The following COL5A2 variants were observed in gnomAD, a reference collection of about 807,000 sequenced individuals.
COL5A2 encodes the protein collagen alpha-2(V) chain.
COL5A2 carries 23 observed loss-of-function variants against 208.2 expected under a neutral mutation model. The observed-to-expected ratio is 0.11, with a 90% CI of 0.08 to 0.16. The LOEUF (loss-of-function observed/expected upper bound fraction) is 0.16, where lower values mean the gene tolerates loss of function less well. Ranked by LOEUF, COL5A2 falls within the 10% of genes least tolerant of loss-of-function variation. COL5A2 has a pLI of 1.00. For synonymous variants in COL5A2, 625 were observed against 628.5 expected, an observed-to-expected ratio of 0.99 and a Z score of 0.08; for missense variants, 1,590 against 1,956.4, an observed-to-expected ratio of 0.81 and a Z score of 3.53.
chr2:189,045,877 G>C lies in COL5A2; in HGVS notation c.3232C>G (p.Leu1078Val). Residue 1078 changes from leucine to valine, a missense_variant, in exon 46 of 54, where the codon CTG becomes GTG. Leu to Val is a conservative substitution (Grantham distance 32). Transcript: ENST00000374866. ...GDRGDPGPAG[L>V]PGSQGAPGTP... ...CCAGGGGCACCCTGAGAGCCTGGCA[G>C]ACCTGCAGGCCCAGGGTCTCCACGA... The C allele has an allele frequency of 6.2e-6, 10 of 1,614,146 alleles. No individual in the cohort carries two copies. The highest frequency in any genetic ancestry group is 8.5e-6 in the Non-Finnish European group (10 of 1,179,996).
chr2:189,242,194 G>A, the COL5A2 span, among the ~76,000 whole-genome samples: 1 of 151,974 alleles, frequency 6.6e-6, no homozygotes, highest in Non-Finnish European at 1.5e-5. Context: ...TGATACCTTT[G>A]TGCTTTCTGG....
chr2:189,173,725 T>C (rs1452174304), intron 1 of COL5A2, among the ~76,000 whole-genome samples: 1 of 152,216 alleles, frequency 6.6e-6, no homozygotes, highest in Non-Finnish European at 1.5e-5. Context: ...AGTAAGTTGA[T>C]ACTGTCTCGT....
the COL5A2 span, among the ~76,000 whole-genome samples, chr2:189,294,090 G>GA: frequency 0.059 from 2,839 of 48,214 alleles, 65 homozygotes; most frequent in African/African-American, 0.13. Context: ...TCCGTCTCAA[G>GA]AAAAAAAAAA....
chr2:189,119,802 A>G (rs1687465263), intron 1 of COL5A2, among the ~76,000 whole-genome samples: 1 of 152,066 alleles, frequency 6.6e-6, no homozygotes, highest in South Asian at 2.1e-4. Flanking sequence ...AAAATATATA[A>G]CATTTCCTAA....
At chr2:189,293,245 A>G in the COL5A2 span, among the ~76,000 whole-genome samples, 4 of 152,230 alleles carry the variant, frequency 2.6e-5, no homozygotes, top group African/African-American at 9.6e-5. Context: ...CCTAAAACTT[A>G]AAGTATAATA....
At chr2:189,123,545 G>C (rs1476174116) in intron 1 of COL5A2, among the ~76,000 whole-genome samples, 1 of 152,122 alleles carries the variant, frequency 6.6e-6, no homozygotes, top group Non-Finnish European at 1.5e-5. Context: ...ACTCATTTCT[G>C]TTGTCATAAG....
chr2:189,229,686 A>G (rs1689457936), upstream of COL5A2, among the ~76,000 whole-genome samples: 1 of 151,850 alleles, frequency 6.6e-6, no homozygotes, highest in Non-Finnish European at 1.5e-5. Flanking sequence ...TATAAAGGAT[A>G]AAAATGAATG....
chr2:189,337,674 G>T, the COL5A2 span, among the ~76,000 whole-genome samples: 1 of 152,066 alleles, frequency 6.6e-6, no homozygotes, highest in African/African-American at 2.4e-5. Flanking sequence ...TTACAATCTT[G>T]CAATATTATG....
At chr2:189,231,390 G>A in the COL5A2 span, among the ~76,000 whole-genome samples, 12 of 151,796 alleles carry the variant, frequency 7.9e-5, no homozygotes, top group African/African-American at 2.7e-4. Context: ...AGGAAAATAA[G>A]AGAATAAAGA....
At chr2:189,368,737 G>T in the COL5A2 span, among the ~76,000 whole-genome samples, 9 of 152,122 alleles carry the variant, frequency 5.9e-5, no homozygotes, top group Non-Finnish European at 2.9e-5. Context: ...TATACCAAAG[G>T]AAAGTCCTTA....
At chr2:189,382,436 G>C in the COL5A2 span, among the ~76,000 whole-genome samples, 1 of 152,158 alleles carries the variant, frequency 6.6e-6, no homozygotes, top group East Asian at 1.9e-4. Context: ...TATAGCAAGT[G>C]TTTATTCAAG....
At chr2:189,040,116 C>A (rs1033538875) in intron 50 of COL5A2, among the ~76,000 whole-genome samples, 1 of 152,068 alleles carries the variant, frequency 6.6e-6, no homozygotes, top group African/African-American at 2.4e-5. Context: ...AATTCCTGTA[C>A]AGATAAAAAT....
the COL5A2 span, among the ~76,000 whole-genome samples, chr2:189,241,507 C>T: frequency 2.8e-4 from 43 of 152,230 alleles, no homozygotes; most frequent in Non-Finnish European, 4.7e-4. Context: ...GCCTGGGCAA[C>T]GTATTGAGAC....
chr2:189,048,748 G>A (rs1388261283), intron 44 of COL5A2, among the ~76,000 whole-genome samples: 1 of 151,726 alleles, frequency 6.6e-6, no homozygotes, highest in Admixed American at 6.6e-5. Context: ...TGTTCCAAAG[G>A]CTATTGATTC....
chr2:189,151,943 G>C (rs1299220975), intron 1 of COL5A2, among the ~76,000 whole-genome samples: 4 of 152,250 alleles, frequency 2.6e-5, no homozygotes, highest in African/African-American at 7.2e-5. Context: ...AGTTATATTA[G>C]AAAGATAACT....
the COL5A2 span, among the ~76,000 whole-genome samples, chr2:189,385,711 T>A: frequency 6.6e-6 from 1 of 152,072 alleles, no homozygotes; most frequent in East Asian, 1.9e-4. Context: ...GGCATCACAT[T>A]ACCTGACTTC....
At chr2:189,318,743 C>T in the COL5A2 span, among the ~76,000 whole-genome samples, 3 of 152,180 alleles carry the variant, frequency 2.0e-5, no homozygotes, top group Admixed American at 1.3e-4. Flanking sequence ...ATCACTTCAT[C>T]TCCTCTCTCA....
At chr2:189,407,078 T>A in the COL5A2 span, among the ~76,000 whole-genome samples, 2 of 152,092 alleles carry the variant, frequency 1.3e-5, no homozygotes, top group Admixed American at 1.3e-4. Context: ...AGGACATGCA[T>A]ATGAAGATTT....
intron 1 of COL5A2, among the ~76,000 whole-genome samples, chr2:189,197,754 G>T (rs867189549): frequency 6.6e-6 from 1 of 151,600 alleles, no homozygotes; most frequent in Non-Finnish European, 1.5e-5. Flanking sequence ...ATTCAGGCAG[G>T]ATCTGTTTGA....
Sources: gnomAD v4.1 joint callset for allele counts (sites outside exome capture counted in the v4.1 genomes callset) on GRCh38, gnomAD v4.1.1 for gene constraint, MANE v1.5 for transcripts, NCBI Gene and HGNC (gene_info 2026-07-23, HGNC 2026-07-21) for gene names.